The following HDHD2 variants were observed in gnomAD, a reference collection of about 807,000 sequenced individuals.
The protein encoded by HDHD2 is haloacid dehalogenase-like hydrolase domain-containing protein 2.
HDHD2 carries 26 observed loss-of-function variants against 24.8 expected under a neutral mutation model. The ratio of observed to expected loss-of-function variants is 1.05; its 90% CI spans 0.77 to 1.45. The LOEUF is 1.45. Among genes scored for constraint, HDHD2 ranks in the 40% most tolerant of loss-of-function variants. The pLI is 0.00. For missense variants in HDHD2, 299 were observed against 313.4 expected, an observed-to-expected ratio of 0.95 and a Z score of 0.35; for synonymous variants, 128 against 114.9, an observed-to-expected ratio of 1.11 and a Z score of -0.73.
intron 1 of HDHD2, among the ~76,000 whole-genome samples, chr18:47,147,007 C>G (rs550644102): frequency 1.8e-4 from 28 of 152,250 alleles, no homozygotes; most frequent in African/African-American, 5.3e-4. Flanking sequence ...GTTTTGTATA[C>G]TCTTCTATAG....
chr18:47,116,618 A>T (rs1297861799), intron 4 of HDHD2, among the ~76,000 whole-genome samples: 1 of 152,204 alleles, frequency 6.6e-6, no homozygotes, highest in Non-Finnish European at 1.5e-5. Flanking sequence ...TATTTCTTAA[A>T]GCTGCTCTTG....
chr18:47,129,023 C>A (rs2063687120), intron 4 of HDHD2, among the ~76,000 whole-genome samples: 1 of 151,678 alleles, frequency 6.6e-6, no homozygotes, highest in East Asian at 1.9e-4. Context: ...AGCATTCTTG[C>A]AGTTAAATAC....
Position 47,113,954 on chromosome 18 carries a change from G to A in HDHD2, c.613-914C>T, listed in dbSNP as rs983438985. Among the ~76,000 whole-genome samples the A allele has an allele frequency of 2.0e-5, 3 of 152,140 alleles. No homozygotes were observed. In the South Asian group the frequency reaches 6.2e-4, roughly 32 times the overall value. On this transcript the variant is annotated intron_variant, in intron 5 of 6. Coordinates refer to ENST00000300605, the MANE Select transcript of HDHD2 (RefSeq NM_032124.5). ...GGACAATGAGACGGTGGGGGGCAGG[G>A]AACCACCACTTTCCTGGGTAACCAA... is the stretch of plus-strand genomic sequence containing the variant.
chr18:47,139,678 A>T (rs1568060348), intron 1 of HDHD2, among the ~76,000 whole-genome samples: 1 of 152,094 alleles, frequency 6.6e-6, no homozygotes, highest in Non-Finnish European at 1.5e-5. Flanking sequence ...TTGGAGACTA[A>T]GCCCTCAACC....
rs768290821 is a variant in HDHD2, at chr18:47,134,662, T to G, written c.144A>C (p.Thr48=). 10 of 1,614,210 alleles carry G rather than the reference T, an allele frequency of 6.2e-6. No homozygotes were observed. The highest frequency in any genetic ancestry group is 8.5e-6 in the Non-Finnish European group (10 of 1,180,020). ...ACAGGTCTTGCTTGCTCTCTTTGGT[T>G]GTATTGGTCACAAACCTAATGATTA... ...ASVIIRFVTN[T]TKESKQDLLE... is the part of the protein sequence containing the mutation. The change falls in exon 3 of 7, where the codon ACA becomes ACC. Residue 48 remains threonine (T), a synonymous_variant. Transcript: ENST00000300605.
chr18:47,132,137 T>C (rs1387447329), intron 3 of HDHD2, among the ~76,000 whole-genome samples: 6 of 152,216 alleles, frequency 3.9e-5, no homozygotes, highest in Admixed American at 3.9e-4. Flanking sequence ...TTTTTACAAA[T>C]ATAAGACAAA....
chr18:47,133,739 A>G (rs1349387697), intron 3 of HDHD2, among the ~76,000 whole-genome samples: 2 of 152,216 alleles, frequency 1.3e-5, no homozygotes, highest in East Asian at 3.9e-4. Flanking sequence ...AGTGATGATG[A>G]GCATTTTTTC....
intron 1 of HDHD2, among the ~76,000 whole-genome samples, chr18:47,144,793 C>T (rs528703669): frequency 7.4e-6 from 1 of 135,654 alleles, no homozygotes; most frequent in Non-Finnish European, 1.6e-5. Flanking sequence ...GAGCAAGACC[C>T]TGTCTCAAAA....
At chr18:47,128,208 C>T (rs549723227) in intron 4 of HDHD2, among the ~76,000 whole-genome samples, 1 of 152,178 alleles carries the variant, frequency 6.6e-6, no homozygotes, top group Non-Finnish European at 1.5e-5. Flanking sequence ...AGCATCCGAG[C>T]AATTACAAAG....
intron 4 of HDHD2, among the ~76,000 whole-genome samples, chr18:47,115,909 C>T (rs990882431): frequency 5.9e-5 from 9 of 152,154 alleles, no homozygotes; most frequent in African/African-American, 2.2e-4. Flanking sequence ...CTGCTTTCAA[C>T]ATTATTTTGC....
rs75082927 is a variant in HDHD2 at position 47,141,457 on chromosome 18, C to T, written c.-10-5008G>A. Among the ~76,000 whole-genome samples, 142 of 152,224 alleles carry T rather than the reference C, an allele frequency of 9.3e-4. 1 individual carries two copies. In the East Asian group the frequency reaches 0.025, roughly 27 times the overall value. On this transcript the variant is annotated intron_variant, in intron 1 of 6. Coordinates refer to ENST00000300605, the MANE Select transcript of HDHD2 (RefSeq NM_032124.5). ...CACATTTTATTCTTTGGGGCTGAGT[C>T]ATTAAAGAGGGTAGGGAGGAACTAA...
intron 4 of HDHD2, among the ~76,000 whole-genome samples, chr18:47,126,196 C>A (rs1048356035): frequency 3.3e-5 from 5 of 152,152 alleles, no homozygotes; most frequent in African/African-American, 4.8e-5. Context: ...ATGGGAAAAG[C>A]CCATAGATAT....
At position 47,126,947 on chromosome 18, in the gene HDHD2, G is replaced by A. The variant is rs963054207; in HGVS notation, c.395+3297C>T. Among the ~76,000 whole-genome samples, 9 of 152,110 alleles carry A rather than the reference G, an allele frequency of 5.9e-5. No individual in the cohort carries two copies. In the South Asian group the frequency reaches 1.4e-3, roughly 25 times the overall value. On this transcript the variant is annotated intron_variant, in intron 4 of 6. Transcript: ENST00000300605. ...TGGGAGGCTGAGGCGGGTGGATCAC[G>A]ACGTCAGATCGAGACCATCCTGACT...
intron 3 of HDHD2, among the ~76,000 whole-genome samples, chr18:47,133,834 T>TC (rs2063737042): frequency 6.6e-6 from 1 of 151,108 alleles, no homozygotes; most frequent in Admixed American, 6.6e-5. Context: ...GTTGTTTTTT[T>TC]CTTGTAAATT....
At chr18:47,115,685 G>C (rs893569072) in intron 4 of HDHD2, among the ~76,000 whole-genome samples, 1 of 152,124 alleles carries the variant, frequency 6.6e-6, no homozygotes. Context: ...AACTTAATGA[G>C]ACAAGTTGTT....
chr18:47,118,160 A>G (rs1171261833), intron 4 of HDHD2, among the ~76,000 whole-genome samples: 1 of 152,210 alleles, frequency 6.6e-6, no homozygotes, highest in African/African-American at 2.4e-5. Flanking sequence ...CAGAGCAGCG[A>G]GAGAAAGCTG....
chr18:47,144,414 C>T (rs928312278), intron 1 of HDHD2, among the ~76,000 whole-genome samples: 8 of 152,160 alleles, frequency 5.3e-5, no homozygotes, highest in Non-Finnish European at 1.5e-5. Flanking sequence ...TGCTTTGAAA[C>T]ATGGCCCAAA....
chr18:47,114,931 T>C (rs1246124837), intron 5 of HDHD2, among the ~76,000 whole-genome samples: 2 of 151,966 alleles, frequency 1.3e-5, no homozygotes, highest in Non-Finnish European at 2.9e-5. Context: ...TGGAGAAATG[T>C]CAGAAATAAT....
intron 1 of HDHD2, among the ~76,000 whole-genome samples, chr18:47,144,284 A>C (rs2063846839): frequency 6.6e-6 from 1 of 152,182 alleles, no homozygotes; most frequent in Admixed American, 6.5e-5. Context: ...CTCAGAGCCC[A>C]TCTGAAGAGA....
Sources: allele counts gnomAD v4.1 joint callset (sites outside exome capture counted in the v4.1 genomes callset), GRCh38; gene constraint gnomAD v4.1.1; transcripts MANE v1.5; gene names NCBI Gene and HGNC (gene_info 2026-07-23, HGNC 2026-07-21).